The following NRXN3 variants were observed in gnomAD, a reference collection of about 807,000 sequenced individuals.
NRXN3 encodes neurexin III.
NRXN3 carries 32 observed loss-of-function variants against 137.6 expected under a neutral mutation model. The ratio of observed to expected loss-of-function variants is 0.23; its 90% confidence interval spans 0.18 to 0.31. NRXN3 has a LOEUF of 0.31. Ranked by LOEUF, NRXN3 falls within the 10% of genes least tolerant of loss-of-function variation. NRXN3 has a pLI of 1.00. For missense variants in NRXN3, 1,574 were observed against 2,062.5 expected (o/e 0.76, Z 4.59); for synonymous variants, 798 against 784.5 (o/e 1.02, Z -0.29).
Position 79,491,429 on chromosome 14 carries a change from T to A in NRXN3, c.3444+24027T>A, listed in dbSNP as rs149473665. On this transcript the variant is annotated intron_variant, in intron 16 of 20. Coordinates refer to ENST00000335750, the MANE Select transcript of NRXN3 (RefSeq NM_001330195.2). Reference sequence around the variant, plus strand: ...TGTCTTATCAGCTTCTCCATTCACATGTCTTAAATGATTTCTACCTTTACT... The same window carrying A: ...TGTCTTATCAGCTTCTCCATTCACAAGTCTTAAATGATTTCTACCTTTACT... Among the ~76,000 whole-genome samples, 1,133 of 152,332 alleles carry A rather than the reference T, an allele frequency of 7.4e-3. 17 individuals carry two copies. The highest frequency in any genetic ancestry group is 8.2e-3 in the Non-Finnish European group (557 of 68,032).
At position 79,641,101 on chromosome 14, in the gene NRXN3, G is replaced by A. The variant is rs571122426; in HGVS notation, c.3445-22677G>A. Among the ~76,000 whole-genome samples the A allele has an allele frequency of 3.1e-4, 42 of 134,036 alleles. 1 individual carries two copies. The highest frequency in any genetic ancestry group is 9.8e-4 in the African/African-American group (40 of 40,640). The allele number at this position is 134,036 out of a possible 152,430, so 87.9% of individuals were successfully genotyped here. ...CGGCTCACTGTAACCTCCGCCTCCT[G>A]GGTTCAAGCGATTCTCCTGCCTCAG... is the stretch of plus-strand genomic sequence containing the variant. On this transcript the variant is annotated intron_variant, in intron 16 of 20. Coordinates refer to ENST00000335750, the MANE Select transcript of NRXN3 (RefSeq NM_001330195.2).
intron 4 of NRXN3, among the ~76,000 whole-genome samples, chr14:78,327,747 AAAG>A (rs1209433537): frequency 2.0e-5 from 3 of 152,184 alleles, no homozygotes; most frequent in Non-Finnish European, 2.9e-5. Flanking sequence ...GCAGGCATCA[AAAG>A]AAGAAGTATA....
At chr14:79,215,038 T>C (rs991143427) in intron 15 of NRXN3, among the ~76,000 whole-genome samples, 5 of 152,218 alleles carry the variant, frequency 3.3e-5, no homozygotes, top group African/African-American at 1.2e-4. Context: ...TTTTGAACTG[T>C]AGGTATGTTT....
intron 4 of NRXN3, among the ~76,000 whole-genome samples, chr14:78,369,194 GA>G (rs1378797105): frequency 1.3e-5 from 2 of 151,118 alleles, no homozygotes; most frequent in Non-Finnish European, 2.9e-5. Context: ...TTATAAATGA[GA>G]AAAATAAGGC....
intron 15 of NRXN3, among the ~76,000 whole-genome samples, chr14:79,191,805 T>C (rs1226716332): frequency 6.6e-6 from 1 of 152,156 alleles, no homozygotes; most frequent in Non-Finnish European, 1.5e-5. Context: ...TTTAAGATCC[T>C]TGACCTTTCC....
chr14:79,558,776 G>A (rs868374635), intron 16 of NRXN3, among the ~76,000 whole-genome samples: 3 of 152,108 alleles, frequency 2.0e-5, no homozygotes, highest in Non-Finnish European at 4.4e-5. Context: ...AAACAAGAGA[G>A]TCAGCCCAAG....
intron 4 of NRXN3, among the ~76,000 whole-genome samples, chr14:78,390,448 A>G (rs1444983988): frequency 6.6e-6 from 1 of 152,194 alleles, no homozygotes; most frequent in Non-Finnish European, 1.5e-5. Context: ...AACCGGTGTT[A>G]CAAGGTTTAG....
chr14:79,420,465 C>T (rs1204897977), intron 15 of NRXN3, among the ~76,000 whole-genome samples: 1 of 151,996 alleles, frequency 6.6e-6, no homozygotes, highest in African/African-American at 2.4e-5. Flanking sequence ...TAATGGAACA[C>T]TAGGCATAAG....
intron 15 of NRXN3, among the ~76,000 whole-genome samples, chr14:79,397,419 C>G (rs745936686): frequency 1.3e-5 from 2 of 152,166 alleles, no homozygotes; most frequent in Non-Finnish European, 2.9e-5. Context: ...TGAACAAACA[C>G]TTGGATGAAT....
chr14:79,112,523 C>G (rs1041903959), intron 15 of NRXN3, among the ~76,000 whole-genome samples: 3 of 152,160 alleles, frequency 2.0e-5, no homozygotes, highest in Non-Finnish European at 2.9e-5. Context: ...AATGAATAAA[C>G]TAGGACACGG....
chr14:78,658,589 A>G (rs1441123406), intron 6 of NRXN3, among the ~76,000 whole-genome samples: 1 of 152,222 alleles, frequency 6.6e-6, no homozygotes, highest in Non-Finnish European at 1.5e-5. Flanking sequence ...GTTCAGTTCT[A>G]ATGTTAATTA....
chr14:78,777,715 G>C (rs1001050584), intron 8 of NRXN3, among the ~76,000 whole-genome samples: 1 of 152,120 alleles, frequency 6.6e-6, no homozygotes, highest in African/African-American at 2.4e-5. Context: ...AAAAAATTAG[G>C]TGGTGCCTTT....
At chr14:78,619,153 A>C (rs1445839863) in intron 4 of NRXN3, among the ~76,000 whole-genome samples, 1 of 152,218 alleles carries the variant, frequency 6.6e-6, no homozygotes, top group East Asian at 1.9e-4. Context: ...CCTCTCCCTC[A>C]GTTGAGGGTC....
intron 20 of NRXN3, among the ~76,000 whole-genome samples, chr14:79,827,695 T>A (rs1265591378): frequency 4.3e-5 from 1 of 23,422 alleles, no homozygotes; most frequent in Non-Finnish European, 8.5e-5. Flanking sequence ...CACAAACTTT[T>A]TTTTTTTTTT....
intron 4 of NRXN3, among the ~76,000 whole-genome samples, chr14:78,424,221 T>C (rs1295540403): frequency 6.6e-6 from 1 of 152,228 alleles, no homozygotes; most frequent in Non-Finnish European, 1.5e-5. Flanking sequence ...TGTTCTTGCC[T>C]CTGGCCTGCA....
intron 15 of NRXN3, among the ~76,000 whole-genome samples, chr14:79,015,273 A>G (rs1439791672): frequency 6.6e-6 from 1 of 152,084 alleles, no homozygotes; most frequent in East Asian, 1.9e-4. Context: ...CCCTGAGCAA[A>G]CGGTTTAACC....
At chr14:78,807,750 AAAAAAG>A (rs1385800796) in intron 9 of NRXN3, among the ~76,000 whole-genome samples, 5 of 130,728 alleles carry the variant, frequency 3.8e-5, no homozygotes, top group Admixed American at 8.3e-5. Flanking sequence ...AAAAAAAAAA[AAAAAAG>A]AAAGAAAAGA....
At chr14:79,615,211 C>T (rs981582118) in intron 16 of NRXN3, among the ~76,000 whole-genome samples, 21 of 152,038 alleles carry the variant, frequency 1.4e-4, no homozygotes, top group Admixed American at 5.9e-4. Flanking sequence ...AATATGTACA[C>T]GGGAAGACAA....
chr14:79,664,484 C>T (rs1004800927), intron 17 of NRXN3, among the ~76,000 whole-genome samples: 6 of 152,116 alleles, frequency 3.9e-5, no homozygotes, highest in African/African-American at 1.4e-4. Context: ...TTTTTATTTT[C>T]TCACTTACCC....
Sources: gnomAD v4.1 joint callset for allele counts (sites outside exome capture counted in the v4.1 genomes callset) on GRCh38, gnomAD v4.1.1 for gene constraint, MANE v1.5 for transcripts, NCBI Gene and HGNC (gene_info 2026-07-23, HGNC 2026-07-21) for gene names.